Variants in UBR3 observed in about 807,000 individuals in gnomAD.
UBR3 encodes the protein ubiquitin protein ligase E3 component n-recognin 3, also known as E3 ubiquitin-protein ligase UBR3.
In UBR3, 85 loss-of-function variants were observed where a neutral mutation model predicts 243.2. That is an observed-to-expected ratio of 0.35 (90% CI 0.29 to 0.42). The LOEUF is 0.42. UBR3 is among the 10% of genes least tolerant of loss of function. The pLI, the probability that UBR3 is intolerant of heterozygous loss-of-function variation, is 1.00. For missense variants in UBR3, 1,686 were observed against 2,300.8 expected (o/e 0.73, Z 5.47); for synonymous variants, 748 against 799.8 (o/e 0.94, Z 1.09).
intron 35 of UBR3, among the ~76,000 whole-genome samples, chr2:170,061,712 C>T (rs2105447409): frequency 6.6e-6 from 1 of 152,288 alleles, no homozygotes. Flanking sequence ...AGGTGATCTA[C>T]CTGCCTCGGC....
At position 170,066,653 on chromosome 2, in the gene UBR3, T is replaced by C. The variant is rs907543850; in HGVS notation, c.5019+5210T>C. Among the ~76,000 whole-genome samples the C allele has an allele frequency of 5.3e-5, 8 of 152,166 alleles. No homozygotes were observed. The East Asian group carries it at 1.5e-3, about 29-fold the overall frequency. ...TACATGCTAAGCACTGTTTAAGTGC[T>C]TTGCATTTTAATTCATTTAAACTTC... is the stretch of plus-strand genomic sequence containing the variant. On this transcript the variant is annotated intron_variant, in intron 35 of 38. Transcript: ENST00000272793.
Position 169,954,853 on chromosome 2 carries a change from G to A in UBR3, c.3546-3585G>A, listed in dbSNP as rs185834258. 7.3e-4 allele frequency among the ~76,000 whole-genome samples: 111 copies of A among 152,138 alleles called. 1 individual carries two copies. The highest frequency in any genetic ancestry group is 8.3e-4 in the South Asian group (4 of 4,830). ...ATCCCAAAGTGCTGGGATTACAGGCGTGAGGCACTGTGCCCAGCCAGTAAT... is the reference window on the plus strand; with the variant it reads ...ATCCCAAAGTGCTGGGATTACAGGCATGAGGCACTGTGCCCAGCCAGTAAT... On this transcript the variant is annotated intron_variant, in intron 23 of 38. Transcript: ENST00000272793.
At chr2:169,992,200 A>G (rs1392828706) in intron 25 of UBR3, among the ~76,000 whole-genome samples, 2 of 152,184 alleles carry the variant, frequency 1.3e-5, no homozygotes, top group Admixed American at 6.5e-5. Context: ...CAAACTACCA[A>G]ATGGACCCAA....
At position 169,849,564 on chromosome 2, in the gene UBR3, G is replaced by A. The variant is rs140522509; in HGVS notation, c.545+21512G>A. On this transcript the variant is annotated intron_variant, in intron 1 of 38. Coordinates refer to ENST00000272793, the MANE Select transcript of UBR3 (RefSeq NM_172070.4). The stretch of plus-strand genomic sequence containing the variant: ...CCCACCTTGACCTCCCAAAGTGTTG[G>A]GATTACAGGCATGAGCCACGGTGCC... Among the ~76,000 whole-genome samples the A allele has an allele frequency of 7.7e-3, 1,166 of 152,206 alleles. 17 individuals carry two copies. Among genetic ancestry groups the A allele is most frequent in the Non-Finnish European group, 0.013 (873 of 68,014 alleles).
At chr2:170,035,351 G>A (rs934660356) in intron 31 of UBR3, among the ~76,000 whole-genome samples, 2 of 151,946 alleles carry the variant, frequency 1.3e-5, no homozygotes, top group African/African-American at 4.8e-5. Context: ...AAGGGCATAG[G>A]TCTTTGTCTA....
intron 28 of UBR3, among the ~76,000 whole-genome samples, chr2:170,008,264 T>G (rs2089982588): frequency 6.6e-6 from 1 of 152,220 alleles, no homozygotes; most frequent in East Asian, 1.9e-4. Flanking sequence ...AGTAAATTTG[T>G]GAAAATTGTG....
chr2:169,830,728 G>A (rs1433724218), intron 1 of UBR3, among the ~76,000 whole-genome samples: 2 of 141,024 alleles, frequency 1.4e-5, no homozygotes, highest in African/African-American at 5.3e-5. Flanking sequence ...TGTTTGTTTT[G>A]TTTTAAAGAG....
intron 1 of UBR3, among the ~76,000 whole-genome samples, chr2:169,855,972 G>A (rs1346135728): frequency 6.6e-6 from 1 of 150,986 alleles, no homozygotes; most frequent in African/African-American, 2.4e-5. Context: ...TGGCCGGGCG[G>A]GGGCTGCCCC....
chr2:169,881,922 C>CATATAATTACATATGT (rs1428449377), intron 5 of UBR3, among the ~76,000 whole-genome samples: 8 of 91,226 alleles, frequency 8.8e-5, no homozygotes, highest in Admixed American at 6.4e-4. Context: ...TATATGTATA[C>CATATAATTACATATGT]ATGTATACAT....
At chr2:169,962,291 C>T (rs551201926) in intron 24 of UBR3, among the ~76,000 whole-genome samples, 52 of 151,486 alleles carry the variant, frequency 3.4e-4, no homozygotes, top group African/African-American at 1.0e-3. Context: ...CTGTATTGCT[C>T]AGGTTGGTCT....
chr2:169,967,456 A>G (rs1478744593), intron 24 of UBR3, among the ~76,000 whole-genome samples: 9 of 152,134 alleles, frequency 5.9e-5, no homozygotes, highest in Non-Finnish European at 8.8e-5. Context: ...TCCATTTCCA[A>G]TAGACACAGC....
intron 25 of UBR3, among the ~76,000 whole-genome samples, chr2:169,992,055 C>T (rs562724207): frequency 7.2e-5 from 11 of 152,060 alleles, no homozygotes; most frequent in Non-Finnish European, 1.3e-4. Context: ...ATTCAAATAA[C>T]TAAAATCAGA....
chr2:169,912,375 C>T (rs1329929349), intron 10 of UBR3, among the ~76,000 whole-genome samples: 1 of 152,146 alleles, frequency 6.6e-6, no homozygotes, highest in African/African-American at 2.4e-5. Flanking sequence ...TCCAACCTCC[C>T]CTCATCTCTT....
chr2:169,888,821 T>C (rs1293392213), intron 5 of UBR3, among the ~76,000 whole-genome samples: 6 of 152,218 alleles, frequency 3.9e-5, no homozygotes, highest in African/African-American at 1.4e-4. Context: ...ATCTGTTTGG[T>C]CACAATGAAT....
chr2:170,051,978 T>A (rs541275488), intron 32 of UBR3, among the ~76,000 whole-genome samples: 1 of 152,278 alleles, frequency 6.6e-6, no homozygotes, highest in African/African-American at 2.4e-5. Context: ...TAACTATACC[T>A]ATTATCTGAT....
intron 18 of UBR3, among the ~76,000 whole-genome samples, chr2:169,930,249 G>A (rs2086069637): frequency 6.6e-6 from 1 of 152,124 alleles, no homozygotes; most frequent in African/African-American, 2.4e-5. Context: ...AAAACAAGCT[G>A]TTTAGATGAC....
intron 20 of UBR3, among the ~76,000 whole-genome samples, chr2:169,944,363 T>C (rs1353042162): frequency 6.6e-6 from 1 of 152,210 alleles, no homozygotes; most frequent in Non-Finnish European, 1.5e-5. Context: ...AAGTAATTCA[T>C]GAAAAATTAA....
intron 30 of UBR3, among the ~76,000 whole-genome samples, chr2:170,024,371 A>G (rs2090472977): frequency 6.6e-6 from 1 of 151,438 alleles, no homozygotes; most frequent in African/African-American, 2.4e-5. Context: ...AAAAAAAAAA[A>G]AAAAGAGAAA....
At position 169,891,250 on chromosome 2, in the gene UBR3, A is replaced by T; in HGVS notation, c.1105+19A>T. On this transcript the variant is annotated intron_variant, in intron 6 of 38. Transcript: ENST00000272793. ...ACCAAAGGTATTTGTATTTATTATT[A>T]TTTTTTTCCTTGAATAAAATGCTTC... The T allele has an allele frequency of 1.3e-6, 2 of 1,535,450 alleles. No individual in the cohort carries two copies. The highest frequency in any genetic ancestry group is 1.8e-6 in the Non-Finnish European group (2 of 1,135,572).
Sources: gnomAD v4.1 joint callset for allele counts (sites outside exome capture counted in the v4.1 genomes callset) on GRCh38, gnomAD v4.1.1 for gene constraint, MANE v1.5 for transcripts, NCBI Gene and HGNC (gene_info 2026-07-23, HGNC 2026-07-21) for gene names.